SLPI: variants seen among roughly 807,000 people sequenced by gnomAD.
SLPI encodes antileukoproteinase.
SLPI carries 20 observed loss-of-function variants against 14.3 expected under a neutral mutation model. The ratio of observed to expected loss-of-function variants is 1.40; its 90% CI spans 0.99 to 2.04. The LOEUF (loss-of-function observed/expected upper bound fraction) is 2.04. Among genes scored for constraint, SLPI ranks in the 30% most tolerant of loss-of-function variants. The pLI is 0.00. For synonymous variants in SLPI, 68 were observed against 54.8 expected (o/e 1.24, Z -1.07); for missense variants, 169 against 159.4 (o/e 1.06, Z -0.32).
intron 2 of SLPI, 77 bp from the exon 3 acceptor site, chr20:45,253,228 C>G: frequency 6.6e-7 from 1 of 1,523,148 alleles, no homozygotes; most frequent in East Asian, 2.3e-5. Flanking sequence ...TTAGAGTGAG[C>G]CCCTGCTCCA....
rs748887174 is a variant in SLPI at position 45,253,632 on chromosome 20, ATC to A, written c.185_186del (p.Arg62MetfsTer4). The A allele has an allele frequency of 6.2e-7, 1 of 1,614,136 alleles. No individual in the cohort carries two copies. The highest frequency in any genetic ancestry group is 1.1e-5 in the South Asian group (1 of 91,084). ...TTGATGCCACAAGTGTCAGGACAAC[ATC>A]TCTTCTTCCCTGGACACTGCCAGTC... The part of the protein sequence containing the change: ...QSDWQCPGKK[R>X]CCPDTCGIKC... On this transcript the variant is annotated frameshift_variant, in exon 2 of 4. Coordinates refer to ENST00000338380, the MANE Select transcript of SLPI (RefSeq NM_003064.4). LOFTEE classifies it high-confidence loss of function.
rs772600794 is a variant in SLPI at position 45,253,095 on chromosome 20, G to A, written c.301C>T (p.Pro101Ser). The A allele has an allele frequency of 2.5e-6, 4 of 1,614,026 alleles. No individual in the cohort carries two copies. Among genetic ancestry groups the A allele is most frequent in the South Asian group, 2.2e-5 (2 of 91,084 alleles). Residue 101 changes from proline to serine, a missense_variant, in exon 3 of 4, where the codon CCC becomes TCC. By Grantham distance (74) the Pro-to-Ser change is moderately conservative (BLOSUM62 -1). Transcript: ENST00000338380. ...CCATCCATCTCACAGAAATTGGGGGGGTTAAGCATCAAACATTGGCCATAA... is the reference window on the plus strand; with the variant it reads ...CCATCCATCTCACAGAAATTGGGGGAGTTAAGCATCAAACATTGGCCATAA... ...VTYGQCLMLN[P>S]PNFCEMDGQC... is the part of the protein sequence containing the mutation.
intron 2 of SLPI, 86 bp from the exon 3 acceptor site, chr20:45,253,237 C>T (rs1984716753): frequency 2.0e-6 from 3 of 1,469,944 alleles, no homozygotes; most frequent in Non-Finnish European, 2.8e-6. Flanking sequence ...GCCCCTGCTC[C>T]AGCTTCAGCA....
At chr20:45,253,266 C>T (rs1472794343) in intron 2 of SLPI, 115 bp from the exon 3 acceptor site, 3 of 1,221,200 alleles carry the variant, frequency 2.5e-6, no homozygotes, top group Admixed American at 2.2e-5. Context: ...CATCCCCTCC[C>T]CACCTCTATC....
At position 45,252,250 on chromosome 20, in the gene SLPI, A is replaced by G. The variant is rs894434423; in HGVS notation, c.*165T>C. 8.2e-6 allele frequency: 5 copies of G among 609,348 alleles called. No individual in the cohort carries two copies. Among genetic ancestry groups the G allele is most frequent in the African/African-American group, 3.8e-5 (2 of 52,348 alleles). The allele number at this position is 609,348 out of a possible 1,614,324, so 37.7% of individuals were successfully genotyped here. ...ACAGAAGCAGGATGTGCAAAGAGAA[A>G]TAGGCTCGTTTATTTATTCATTGAT... On this transcript the variant is annotated 3_prime_UTR_variant, in exon 4 of 4. Transcript: ENST00000338380.
intron 1 of SLPI, among the ~76,000 whole-genome samples, chr20:45,254,198 T>TGAGAGAGAGAGAGAGAGA (rs144801825): frequency 1.5e-5 from 2 of 135,342 alleles, no homozygotes; most frequent in South Asian, 2.5e-4. Flanking sequence ...AGGCGGAGTA[T>TGAGAGAGAGAGAGAGAGA]GAGAGAGAGA....
chr20:45,253,158 G>C lies in SLPI; in HGVS notation c.245-7C>G, dbSNP rs748982456. Reference sequence around the variant, plus strand: ...TTCCCAGGCTTCCTCCTTGCTGGGTGAGAGTGAGGCTACCGGTCAGAGGCC... The same window carrying C: ...TTCCCAGGCTTCCTCCTTGCTGGGTCAGAGTGAGGCTACCGGTCAGAGGCC... On this transcript the variant is annotated splice_region_variant and splice_polypyrimidine_tract_variant and intron_variant, in intron 2 of 3. Transcript: ENST00000338380. 6.2e-7 allele frequency: 1 copy of C among 1,613,412 alleles called. No individual in the cohort carries two copies. Among genetic ancestry groups the C allele is most frequent in the Non-Finnish European group, 8.5e-7 (1 of 1,179,680 alleles).
intron 3 of SLPI, 108 bp downstream of exon 3, chr20:45,252,894 G>C: frequency 8.5e-7 from 1 of 1,171,034 alleles, no homozygotes. Flanking sequence ...GACAGAGGCT[G>C]TGCTTGGAGT....
intron 3 of SLPI, 42 bp from the exon 4 acceptor site, chr20:45,252,461 G>A: frequency 6.2e-7 from 1 of 1,611,232 alleles, no homozygotes; most frequent in Non-Finnish European, 8.5e-7. Context: ...ATAGAAACCA[G>A]CCAAATCATA....
rs528054656 is a variant in SLPI, at chr20:45,252,945, G to C, written c.394+57C>G. On this transcript the variant is annotated intron_variant, in intron 3 of 3. Transcript: ENST00000338380. ...CCCTGCCCATATGCCTGGGCCTCCA[G>C]AGGGTTGAGGCTGAGAGGGCTGGAG... is the stretch of plus-strand genomic sequence containing the variant. 11 of 1,579,348 alleles carry C rather than the reference G, an allele frequency of 7.0e-6. 2 individuals carry two copies. In the African/African-American group the frequency reaches 1.5e-4, roughly 21 times the overall value.
rs767102376 is a variant in SLPI, at chr20:45,253,132, C to T, written c.264G>A (p.Lys88=). 1.9e-6 allele frequency: 3 copies of T among 1,614,010 alleles called. No homozygotes were observed. Among genetic ancestry groups the T allele is most frequent in the Non-Finnish European group, 2.5e-6 (3 of 1,179,906 alleles). ...TPNPTRRKPG[K]CPVTYGQCLM... is the part of the protein sequence containing the mutation. The stretch of plus-strand genomic sequence containing the variant: ...AACATTGGCCATAAGTCACTGGGCA[C>T]TTCCCAGGCTTCCTCCTTGCTGGGT... Residue 88 remains lysine (K), a synonymous_variant, in exon 3 of 4, where the codon AAG becomes AAA. Coordinates refer to ENST00000338380, the MANE Select transcript of SLPI (RefSeq NM_003064.4).
At chr20:45,252,745 A>T (rs1380598044) in intron 3 of SLPI, among the ~76,000 whole-genome samples, 1 of 152,160 alleles carries the variant, frequency 6.6e-6, no homozygotes, top group African/African-American at 2.4e-5. Flanking sequence ...TTTACCGATA[A>T]AGAAACTGAG....
intron 1 of SLPI, among the ~76,000 whole-genome samples, chr20:45,254,198 T>TGAGA (rs144801825): frequency 0.023 from 3,143 of 135,368 alleles, 61 homozygotes; most frequent in African/African-American, 0.054. Context: ...AGGCGGAGTA[T>TGAGA]GAGAGAGAGA....
Position 45,252,999 on chromosome 20 carries a change from T to C in SLPI, c.394+3A>G. ...GCTCAGTGTGCCCTCATCCCCTGCT[T>C]ACCTTTCACAGGGGAAACGCAGGAT... On this transcript the variant is annotated splice_donor_region_variant and intron_variant, in intron 3 of 3. Coordinates refer to ENST00000338380, the MANE Select transcript of SLPI (RefSeq NM_003064.4). 1 of 1,613,698 alleles carries C rather than the reference T, an allele frequency of 6.2e-7. No homozygotes were observed. The highest frequency in any genetic ancestry group is 8.5e-7 in the Non-Finnish European group (1 of 1,179,788).
Position 45,252,995 on chromosome 20 carries a change from T to C in SLPI, c.394+7A>G, listed in dbSNP as rs1198666856. 5 of 1,613,402 alleles carry C rather than the reference T, an allele frequency of 3.1e-6. No homozygotes were observed. The highest frequency in any genetic ancestry group is 4.2e-6 in the Non-Finnish European group (5 of 1,179,608). On this transcript the variant is annotated splice_region_variant and intron_variant, in intron 3 of 3. Transcript: ENST00000338380. ...GGGAGCTCAGTGTGCCCTCATCCCCTGCTTACCTTTCACAGGGGAAACGCA... is the reference window on the plus strand; with the variant it reads ...GGGAGCTCAGTGTGCCCTCATCCCCCGCTTACCTTTCACAGGGGAAACGCA...
intron 2 of SLPI, 130 bp downstream of exon 2, chr20:45,253,445 C>T: frequency 2.1e-6 from 2 of 930,266 alleles, no homozygotes; most frequent in Non-Finnish European, 3.2e-6. Flanking sequence ...TGGCTACCTT[C>T]CTGCTTAGGG....
At position 45,253,094 on chromosome 20, in the gene SLPI, G is replaced by A. The variant is rs1397643928; in HGVS notation, c.302C>T (p.Pro101Leu). ...GCCATCCATCTCACAGAAATTGGGG[G>A]GGTTAAGCATCAAACATTGGCCATA... ...VTYGQCLMLN[P>L]PNFCEMDGQC... is the part of the protein sequence containing the mutation. Residue 101 changes from proline to leucine, a missense_variant, in exon 3 of 4, where the codon CCC becomes CTC. Coordinates refer to ENST00000338380, the MANE Select transcript of SLPI (RefSeq NM_003064.4). 1 of 1,614,062 alleles carries A rather than the reference G, an allele frequency of 6.2e-7. No individual in the cohort carries two copies. Among genetic ancestry groups the A allele is most frequent in the African/African-American group, 1.3e-5 (1 of 74,924 alleles).
Position 45,253,486 on chromosome 20 carries a change from G to A in SLPI, c.244+89C>T, listed in dbSNP as rs115677735. On this transcript the variant is annotated intron_variant, in intron 2 of 3. Coordinates refer to ENST00000338380, the MANE Select transcript of SLPI (RefSeq NM_003064.4). Reference sequence around the variant, plus strand: ...TGACTCACTGACGGATTGACAAGGAGGCCTGGCAGGACCCATCACCCAGTT... The same window carrying A: ...TGACTCACTGACGGATTGACAAGGAAGCCTGGCAGGACCCATCACCCAGTT... 903 of 1,261,784 alleles carry A rather than the reference G, an allele frequency of 7.2e-4. 3 individuals are homozygous for A. In the African/African-American group the frequency reaches 9.7e-3, roughly 14 times the overall value. 78.2% of individuals were successfully genotyped at this position (1,261,784 alleles called of 1,614,324 possible). A position where few individuals can be genotyped will look rare whatever the true frequency, so the allele number is the denominator to read the frequency against.
rs1184073255 is a variant in SLPI at position 45,252,350 on chromosome 20, C to A, written c.*65G>T. The A allele has an allele frequency of 2.6e-6, 4 of 1,567,822 alleles. No individual in the cohort carries two copies. Among genetic ancestry groups the A allele is most frequent in the East Asian group, 2.3e-5 (1 of 44,186 alleles). ...GAGGATATCAGTGGTGGAGCCAAGT[C>A]TCAGGGTGGAAAGGACCTGGACCAC... On this transcript the variant is annotated 3_prime_UTR_variant, in exon 4 of 4. Transcript: ENST00000338380.
Sources: gnomAD v4.1 joint callset for allele counts (sites outside exome capture counted in the v4.1 genomes callset) on GRCh38, gnomAD v4.1.1 for gene constraint, MANE v1.5 for transcripts, NCBI Gene and HGNC (gene_info 2026-07-23, HGNC 2026-07-21) for gene names.